The following GPR107 variants were observed in gnomAD, a reference collection of about 807,000 sequenced individuals.
GPR107 encodes protein GPR107.
GPR107 carries 31 observed loss-of-function variants against 75.5 expected under a neutral mutation model. The ratio of observed to expected loss-of-function variants is 0.41; its 90% CI spans 0.31 to 0.55. The LOEUF is 0.55. Among genes scored for constraint, GPR107 ranks in the 20% least tolerant of loss-of-function variants. GPR107 has a pLI of 0.26. For missense variants in GPR107, 572 were observed against 665.7 expected, an observed-to-expected ratio of 0.86 and a Z score of 1.55; for synonymous variants, 267 against 251.3, an observed-to-expected ratio of 1.06 and a Z score of -0.59.
At chr9:130,132,840 T>TATAC (rs10674286) in intron 17 of GPR107, 2 of 150,082 alleles carry the variant, frequency 1.3e-5, no homozygotes, top group Non-Finnish European at 3.0e-5. Context: ...TATATATATA[T>TATAC]ACACATATAC....
intron 6 of GPR107, among the ~76,000 whole-genome samples, chr9:130,085,754 A>ATTTTTTTTTTTTTTTTTTTT (rs71387311): frequency 0.019 from 1,509 of 78,542 alleles, 373 homozygotes; most frequent in East Asian, 0.027. Flanking sequence ...CAATATTTTG[A>ATTTTTTTTTTTTTTTTTTTT]TTTTTTTTTT....
Position 130,138,884 on chromosome 9 carries a change from C to T in GPR107, c.*3763C>T, listed in dbSNP as rs557853488. ...GTTGGAATTGCAGATGCATTCTGGC[C>T]TTCTCCCCCGTCCTGAAACATTTTC... On this transcript the variant is annotated 3_prime_UTR_variant, in exon 18 of 18. Coordinates refer to ENST00000347136, the MANE Select transcript of GPR107 (RefSeq NM_020960.5). 3 of 152,318 alleles carry T rather than the reference C, an allele frequency of 2.0e-5. No individual in the cohort carries two copies. In the East Asian group the frequency reaches 5.8e-4, roughly 29 times the overall value. The allele number at this position is 152,318 out of a possible 1,614,324, so 9.4% of individuals were successfully genotyped here. A position where few individuals can be genotyped will look rare whatever the true frequency, so the allele number is the denominator to read the frequency against.
intron 17 of GPR107, among the ~76,000 whole-genome samples, chr9:130,134,539 C>T (rs1831904199): frequency 6.6e-6 from 1 of 152,192 alleles, no homozygotes; most frequent in Non-Finnish European, 1.5e-5. Context: ...AATCTTTGAT[C>T]CTGGAAGGTT....
At chr9:130,086,037 C>T (rs1443515560) in intron 6 of GPR107, among the ~76,000 whole-genome samples, 1 of 152,102 alleles carries the variant, frequency 6.6e-6, no homozygotes, top group African/African-American at 2.4e-5. Context: ...AGGCGTGAGC[C>T]ACTGTGCCTG....
chr9:130,110,577 T>C (rs1037699305), intron 14 of GPR107, among the ~76,000 whole-genome samples: 2 of 152,332 alleles, frequency 1.3e-5, no homozygotes, highest in East Asian at 3.9e-4. Flanking sequence ...TTCCCTGAAT[T>C]GATTGAGGCT....
chr9:130,108,818 C>G (rs555893986), intron 14 of GPR107: 8 of 189,856 alleles, frequency 4.2e-5, no homozygotes, highest in African/African-American at 2.6e-4. Context: ...GTGATAGGTT[C>G]TTTTCAGTGG....
At chr9:130,067,431 T>A (rs1216774978) in intron 1 of GPR107, among the ~76,000 whole-genome samples, 1 of 152,124 alleles carries the variant, frequency 6.6e-6, no homozygotes, top group African/African-American at 2.4e-5. Context: ...GTTAAATAAG[T>A]GGAGGAGTCA....
chr9:130,071,778 G>A (rs768687685), intron 1 of GPR107, among the ~76,000 whole-genome samples: 4 of 152,094 alleles, frequency 2.6e-5, no homozygotes, highest in Non-Finnish European at 5.9e-5. Flanking sequence ...CTGCCTCCCA[G>A]GTTCAGGCGA....
intron 12 of GPR107, 116 bp from the exon 13 acceptor site, chr9:130,104,304 T>C: frequency 1.2e-6 from 1 of 804,440 alleles, no homozygotes; most frequent in East Asian, 2.5e-5. Context: ...CTGGAAAGAA[T>C]GCTGTGGTCG....
intron 6 of GPR107, 51 bp from the exon 7 acceptor site, chr9:130,086,369 G>C: frequency 1.4e-6 from 1 of 703,874 alleles, no homozygotes; most frequent in Non-Finnish European, 2.3e-6. Flanking sequence ...CTTTTAATTA[G>C]CATGCTTCTA....
intron 5 of GPR107, among the ~76,000 whole-genome samples, chr9:130,080,329 C>G (rs1261244530): frequency 6.6e-6 from 1 of 152,048 alleles, no homozygotes; most frequent in Non-Finnish European, 1.5e-5. Context: ...TTTTTAAATT[C>G]CTTTCCAAAT....
intron 17 of GPR107, among the ~76,000 whole-genome samples, chr9:130,130,681 C>T (rs1435408078): frequency 6.6e-6 from 1 of 152,060 alleles, no homozygotes; most frequent in Non-Finnish European, 1.5e-5. Context: ...ACCAGCCTGG[C>T]CAACATGGTG....
At chr9:130,133,481 GCA>G (rs1554899489) in intron 17 of GPR107, among the ~76,000 whole-genome samples, 2 of 152,166 alleles carry the variant, frequency 1.3e-5, no homozygotes, top group African/African-American at 4.8e-5. Flanking sequence ...CTGTGGAGAG[GCA>G]CGGGGGCTGC....
rs184319447 is a variant in GPR107, at chr9:130,076,852, A to G, written c.306+390A>G. On this transcript the variant is annotated intron_variant, in intron 3 of 17. Coordinates refer to ENST00000347136, the MANE Select transcript of GPR107 (RefSeq NM_020960.5). ...GAGGTAGTGGCTGCTTTGACTTCCA[A>G]GCATTTTTGAGAACCCACAGTTGGT... Among the ~76,000 whole-genome samples, 178 of 150,400 alleles carry G rather than the reference A, an allele frequency of 1.2e-3. 3 individuals are homozygous for G. In the South Asian group the frequency reaches 0.026, roughly 22 times the overall value.
At chr9:130,062,656 G>GCCTTCCTT (rs1564657698) in intron 1 of GPR107, among the ~76,000 whole-genome samples, 2 of 46,098 alleles carry the variant, frequency 4.3e-5, no homozygotes, top group Non-Finnish European at 9.7e-5. Context: ...CTGCCTGCCT[G>GCCTTCCTT]CCTGCCTTCC....
chr9:130,132,810 T>C (rs1238581284), intron 17 of GPR107, among the ~76,000 whole-genome samples: 4 of 124,662 alleles, frequency 3.2e-5, no homozygotes, highest in Non-Finnish European at 6.9e-5. Flanking sequence ...AAAAAAAATA[T>C]ATATATATTT....
chr9:130,097,314 C>T (rs542661961), intron 9 of GPR107, among the ~76,000 whole-genome samples: 4 of 152,072 alleles, frequency 2.6e-5, no homozygotes, highest in Non-Finnish European at 5.9e-5. Flanking sequence ...ACGCCCATGC[C>T]GGGCTAATTT....
intron 7 of GPR107, among the ~76,000 whole-genome samples, chr9:130,089,118 C>T (rs980986175): frequency 2.0e-5 from 3 of 151,640 alleles, no homozygotes; most frequent in African/African-American, 7.3e-5. Flanking sequence ...TGCAATGAGC[C>T]GAGATCACGC....
chr9:130,101,082 T>C (rs1831019991), intron 11 of GPR107, 24 bp from the exon 12 acceptor site: 2 of 1,276,360 alleles, frequency 1.6e-6, no homozygotes, highest in Non-Finnish European at 2.3e-6. Context: ...CCTGCTGGTG[T>C]CTGTTCCTTG....
Sources: gnomAD v4.1 joint callset for allele counts (sites outside exome capture counted in the v4.1 genomes callset) on GRCh38, gnomAD v4.1.1 for gene constraint, MANE v1.5 for transcripts, NCBI Gene and HGNC (gene_info 2026-07-23, HGNC 2026-07-21) for gene names.